The following OTUD7A variants were observed in gnomAD, a reference collection of about 807,000 sequenced individuals.
OTUD7A encodes the protein OTU domain-containing protein 7A.
OTUD7A carries 12 observed loss-of-function variants against 65.7 expected under a neutral mutation model. The ratio of observed to expected loss-of-function variants is 0.18; its 90% CI spans 0.12 to 0.30. The LOEUF (loss-of-function observed/expected upper bound fraction) is 0.30, where lower values mean the gene tolerates loss of function less well. Ranked by LOEUF, OTUD7A falls within the 10% of genes least tolerant of loss-of-function variation. OTUD7A has a pLI of 1.00. For missense variants in OTUD7A, 1,148 were observed against 1,304.8 expected, an observed-to-expected ratio of 0.88 and a Z score of 1.85; for synonymous variants, 641 against 586.3, an observed-to-expected ratio of 1.09 and a Z score of -1.35.
chr15:31,568,777 T>G (rs1888956688), intron 4 of OTUD7A, among the ~76,000 whole-genome samples: 2 of 152,202 alleles, frequency 1.3e-5, no homozygotes. Flanking sequence ...TGAGTTCACA[T>G]GAGATCTGAT....
intron 1 of OTUD7A, among the ~76,000 whole-genome samples, chr15:31,759,868 C>T (rs1271446330): frequency 1.3e-5 from 2 of 152,110 alleles, no homozygotes; most frequent in Admixed American, 6.5e-5. Flanking sequence ...TTTGTCCATG[C>T]TTCCCTCTAC....
At chr15:31,730,834 C>G (rs960731032) in intron 1 of OTUD7A, among the ~76,000 whole-genome samples, 10 of 152,186 alleles carry the variant, frequency 6.6e-5, no homozygotes, top group African/African-American at 2.4e-4. Flanking sequence ...CCCACATGGT[C>G]TACAGGAGGT....
At chr15:31,700,985 T>C (rs148364934) in intron 1 of OTUD7A, among the ~76,000 whole-genome samples, 2,084 of 152,268 alleles carry the variant, frequency 0.014, 58 homozygotes, top group African/African-American at 0.048. Flanking sequence ...TTCCCTGTAG[T>C]GCACAGCCTC....
At chr15:31,750,974 T>G (rs888592276) in intron 1 of OTUD7A, among the ~76,000 whole-genome samples, 1 of 152,114 alleles carries the variant, frequency 6.6e-6, no homozygotes, top group Non-Finnish European at 1.5e-5. Context: ...ATAAAAATCC[T>G]AGAAGAAAAC....
At chr15:31,653,497 A>G (rs1014292469) in intron 3 of OTUD7A, among the ~76,000 whole-genome samples, 1 of 150,984 alleles carries the variant, frequency 6.6e-6, no homozygotes, top group Non-Finnish European at 1.5e-5. Flanking sequence ...CATGAAAAGG[A>G]GCCAGTTTCA....
At chr15:31,792,702 T>C (rs1157667662) in intron 1 of OTUD7A, among the ~76,000 whole-genome samples, 2 of 152,150 alleles carry the variant, frequency 1.3e-5, no homozygotes, top group Non-Finnish European at 2.9e-5. Flanking sequence ...CCAGATAAAA[T>C]TCTTCTTTAT....
At chr15:31,633,456 G>A (rs1007281251) in intron 3 of OTUD7A, among the ~76,000 whole-genome samples, 5 of 152,168 alleles carry the variant, frequency 3.3e-5, no homozygotes, top group African/African-American at 1.2e-4. Context: ...TATTTTGAAT[G>A]TATGTTGGAC....
intron 8 of OTUD7A, among the ~76,000 whole-genome samples, chr15:31,507,604 G>C (rs569631400): frequency 3.4e-5 from 5 of 147,730 alleles, no homozygotes; most frequent in African/African-American, 1.0e-4. Context: ...CCATGGAACA[G>C]GACCCGAGCA....
At position 31,860,098 on chromosome 15, in the gene OTUD7A, T is replaced by C. The variant is rs376607093; in HGVS notation, c.-100+10409A>G. On this transcript the variant is annotated intron_variant, in intron 1 of 12. Coordinates refer to ENST00000307050, the MANE Select transcript of OTUD7A (RefSeq NM_001382637.1). ...ATGTGACCTTCCATTTTCTCTTTTC[T>C]ATCACTAACATTTTCAAGGTAGTAC... is the stretch of plus-strand genomic sequence containing the variant. Among the ~76,000 whole-genome samples, 39 of 152,340 alleles carry C rather than the reference T, an allele frequency of 2.6e-4. No individual in the cohort carries two copies. In the South Asian group the frequency reaches 7.3e-3, roughly 28 times the overall value.
intron 1 of OTUD7A, among the ~76,000 whole-genome samples, chr15:31,855,211 A>C (rs2141009290): frequency 6.6e-6 from 1 of 152,374 alleles, no homozygotes; most frequent in African/African-American, 2.4e-5. Context: ...CAGCATCCAG[A>C]AACATTCAAG....
intron 1 of OTUD7A, among the ~76,000 whole-genome samples, chr15:31,819,302 C>G (rs1009307032): frequency 1.3e-5 from 2 of 152,140 alleles, no homozygotes; most frequent in Non-Finnish European, 2.9e-5. Flanking sequence ...AAGAATATGA[C>G]ACTTTTGGGG....
intron 1 of OTUD7A, among the ~76,000 whole-genome samples, chr15:31,844,175 C>A (rs904093303): frequency 6.6e-6 from 1 of 152,230 alleles, no homozygotes; most frequent in Admixed American, 6.5e-5. Context: ...GGCACCCACA[C>A]TGACACAGTA....
At chr15:31,850,414 G>A (rs1254263977) in intron 1 of OTUD7A, among the ~76,000 whole-genome samples, 1 of 151,836 alleles carries the variant, frequency 6.6e-6, no homozygotes, top group Non-Finnish European at 1.5e-5. Flanking sequence ...CTGTTGTGGG[G>A]TGGGGGGAGT....
chr15:31,636,533 TC>T (rs147910181), intron 3 of OTUD7A, among the ~76,000 whole-genome samples: 75 of 152,098 alleles, frequency 4.9e-4, no homozygotes, highest in African/African-American at 1.7e-3. Context: ...CCCTAAAATG[TC>T]AAGTTGTTCA....
chr15:31,506,944 T>C (rs963966604), intron 8 of OTUD7A, among the ~76,000 whole-genome samples: 32 of 152,360 alleles, frequency 2.1e-4, no homozygotes, highest in African/African-American at 7.5e-4. Flanking sequence ...AGGGGATAAT[T>C]TGGGCCTCTG....
Position 31,778,750 on chromosome 15 carries a change from A to T in OTUD7A, c.-100+91757T>A, listed in dbSNP as rs147696151. On this transcript the variant is annotated intron_variant, in intron 1 of 12. Transcript: ENST00000307050. Reference sequence around the variant, plus strand: ...GTGTGTCTCTCTCTCTCACACACACACACACAGACACGCACATACACACAC... The same window carrying T: ...GTGTGTCTCTCTCTCTCACACACACTCACACAGACACGCACATACACACAC... 1.7e-3 allele frequency among the ~76,000 whole-genome samples: 256 copies of T among 151,730 alleles called. 1 individual carries two copies. Among genetic ancestry groups the T allele is most frequent in the African/African-American group, 5.9e-3 (243 of 41,042 alleles).
chr15:31,843,188 G>T (rs542186859), intron 1 of OTUD7A, among the ~76,000 whole-genome samples: 28 of 152,182 alleles, frequency 1.8e-4, no homozygotes, highest in African/African-American at 6.7e-4. Context: ...TCCCTAGGAA[G>T]GTGGCCTGGA....
intron 1 of OTUD7A, among the ~76,000 whole-genome samples, chr15:31,784,253 C>G (rs1361160155): frequency 3.3e-5 from 5 of 152,166 alleles, no homozygotes; most frequent in Non-Finnish European, 5.9e-5. Context: ...GATGTAGTGT[C>G]AAAGATATCC....
chr15:31,542,063 G>A (rs1888002989), intron 5 of OTUD7A, among the ~76,000 whole-genome samples: 1 of 151,984 alleles, frequency 6.6e-6, no homozygotes, highest in Admixed American at 6.6e-5. Context: ...TGGGAAACTG[G>A]TACAAACAAA....
Sources: allele counts gnomAD v4.1 joint callset (sites outside exome capture counted in the v4.1 genomes callset), GRCh38; gene constraint gnomAD v4.1.1; transcripts MANE v1.5; gene names NCBI Gene and HGNC (gene_info 2026-07-23, HGNC 2026-07-21).